Variants in REV1 observed in about 807,000 individuals in gnomAD.
REV1 encodes REV1 DNA directed polymerase.
Under a neutral mutation model 137.4 loss-of-function variants are expected in REV1, and 42 were observed. The observed-to-expected ratio is 0.31, with a 90% CI of 0.24 to 0.40. REV1 has a LOEUF of 0.40. Among genes scored for constraint, REV1 ranks in the 10% least tolerant of loss-of-function variants. The probability of loss-of-function intolerance (pLI) is 1.00; values close to 1 mark genes in which losing one functional copy is unlikely to be tolerated. For missense variants in REV1, 1,282 were observed against 1,490.1 expected, an observed-to-expected ratio of 0.86 and a Z score of 2.30; for synonymous variants, 524 against 519.2, an observed-to-expected ratio of 1.01 and a Z score of -0.12.
At position 99,438,553 on chromosome 2, in the gene REV1, G is replaced by T; in HGVS notation, c.1213+48C>A. The T allele has an allele frequency of 3.5e-6, 5 of 1,411,886 alleles. No individual in the cohort carries two copies. The South Asian group carries it at 4.8e-5, about 14-fold the overall frequency. The allele number at this position is 1,411,886 out of a possible 1,614,324, so 87.5% of individuals were successfully genotyped here. Reference sequence around the variant, plus strand: ...ACCAATAATAGCATAAGAGCAAAATGATCAAGCATGACTGTTTCTTAAGAA... The same window carrying T: ...ACCAATAATAGCATAAGAGCAAAATTATCAAGCATGACTGTTTCTTAAGAA... On this transcript the variant is annotated intron_variant, in intron 6 of 22. Transcript: ENST00000258428.
At chr2:99,474,936 A>C (rs1685808148) in intron 1 of REV1, among the ~76,000 whole-genome samples, 1 of 152,160 alleles carries the variant, frequency 6.6e-6, no homozygotes, top group Non-Finnish European at 1.5e-5. Flanking sequence ...AGAGATTCAA[A>C]GACAGCATCA....
At chr2:99,470,281 C>A (rs1174861876) in intron 1 of REV1, among the ~76,000 whole-genome samples, 1 of 152,142 alleles carries the variant, frequency 6.6e-6, no homozygotes, top group Non-Finnish European at 1.5e-5. Context: ...ACTCTAAAGT[C>A]TGTTGATTAA....
chr2:99,439,562 C>T (rs932569482), intron 5 of REV1, among the ~76,000 whole-genome samples: 4 of 151,878 alleles, frequency 2.6e-5, no homozygotes, highest in Non-Finnish European at 4.4e-5. Flanking sequence ...AGAATATTAA[C>T]AGCCCTTTAG....
intron 3 of REV1, among the ~76,000 whole-genome samples, chr2:99,459,133 G>A (rs1257695944): frequency 7.2e-5 from 11 of 151,824 alleles, no homozygotes; most frequent in Non-Finnish European, 1.5e-4. Context: ...GTGTGAACCC[G>A]GGAGGCAGAG....
chr2:99,443,854 T>A lies in REV1; in HGVS notation c.351-1385A>T, dbSNP rs1681822562. Among the ~76,000 whole-genome samples, 4 of 152,190 alleles carry A rather than the reference T, an allele frequency of 2.6e-5. No homozygotes were observed. The South Asian group carries it at 6.2e-4, about 24-fold the overall frequency. On this transcript the variant is annotated intron_variant, in intron 4 of 22. Coordinates refer to ENST00000258428, the MANE Select transcript of REV1 (RefSeq NM_016316.4). ...CTCAAACCAACTTTTCTTCCTTTTT[T>A]TTTTTTGAGACGGAGTCTCGCTCTG...
At chr2:99,457,835 AG>A (rs1162723130) in intron 3 of REV1, among the ~76,000 whole-genome samples, 3 of 152,220 alleles carry the variant, frequency 2.0e-5, no homozygotes, top group East Asian at 3.8e-4. Flanking sequence ...GTACTGGTGA[AG>A]GAACAGACAC....
chr2:99,413,713 T>C (rs1677488021), intron 12 of REV1, among the ~76,000 whole-genome samples: 1 of 152,200 alleles, frequency 6.6e-6, no homozygotes, highest in South Asian at 2.1e-4. Context: ...TTTTCTTCAA[T>C]TTGCCCTAAA....
intron 3 of REV1, among the ~76,000 whole-genome samples, chr2:99,453,723 T>C (rs1399938853): frequency 6.6e-6 from 1 of 151,384 alleles, no homozygotes; most frequent in Non-Finnish European, 1.5e-5. Context: ...TGAAACCCCG[T>C]CCCTACTAAA....
At position 99,477,714 on chromosome 2, in the gene REV1, G is replaced by C. The variant is rs1686141917; in HGVS notation, c.-11+12103C>G. 2.0e-5 allele frequency among the ~76,000 whole-genome samples: 3 copies of C among 152,294 alleles called. No homozygotes were observed. In the South Asian group the frequency reaches 6.2e-4, roughly 32 times the overall value. ...CATTTGTATGTCCCAGTTTGAGGCT[G>C]ATCTGATTAAAAGGAAAGCGTCTAT... On this transcript the variant is annotated intron_variant, in intron 1 of 22. Coordinates refer to ENST00000258428, the MANE Select transcript of REV1 (RefSeq NM_016316.4).
intron 3 of REV1, among the ~76,000 whole-genome samples, chr2:99,452,987 A>G (rs1182833054): frequency 2.0e-5 from 3 of 152,198 alleles, no homozygotes; most frequent in African/African-American, 7.2e-5. Context: ...AACTGGGGAT[A>G]ATAATAGTGT....
At chr2:99,429,039 C>T (rs376240595) in intron 9 of REV1, among the ~76,000 whole-genome samples, 3 of 149,624 alleles carry the variant, frequency 2.0e-5, no homozygotes, top group South Asian at 4.2e-4. Flanking sequence ...GACTCTGTTT[C>T]GATTTGAAAT....
chr2:99,407,080 C>CTTTTTTGTTTTTTTTTTTTTTTTTTT (rs1676415894), intron 15 of REV1, among the ~76,000 whole-genome samples: 1 of 60,026 alleles, frequency 1.7e-5, no homozygotes, highest in Non-Finnish European at 2.9e-5. Flanking sequence ...TACAAAGGTT[C>CTTTTTTGTTTTTTTTTTTTTTTTTTT]TTTTTTTTTT....
chr2:99,473,888 A>G (rs569044756), intron 1 of REV1, among the ~76,000 whole-genome samples: 2 of 152,156 alleles, frequency 1.3e-5, no homozygotes, highest in Non-Finnish European at 2.9e-5. Flanking sequence ...TTCCTTCATC[A>G]CTGACTTGTG....
chr2:99,447,243 G>C (rs1223221637), intron 4 of REV1, among the ~76,000 whole-genome samples: 2 of 150,572 alleles, frequency 1.3e-5, no homozygotes, highest in Non-Finnish European at 3.0e-5. Context: ...TGTAACCTTT[G>C]TCTACTGCAA....
At chr2:99,472,304 CA>C (rs755120066) in intron 1 of REV1, among the ~76,000 whole-genome samples, 8 of 152,104 alleles carry the variant, frequency 5.3e-5, no homozygotes, top group East Asian at 1.9e-4. Context: ...AAACCATTCA[CA>C]AAAAGACAAA....
At position 99,482,463 on chromosome 2, in the gene REV1, C is replaced by T. The variant is rs145123419; in HGVS notation, c.-11+7354G>A. Among the ~76,000 whole-genome samples the T allele has an allele frequency of 3.6e-4, 55 of 152,278 alleles. No homozygotes were observed. In the East Asian group the frequency reaches 7.5e-3, roughly 21 times the overall value. On this transcript the variant is annotated intron_variant, in intron 1 of 22. Transcript: ENST00000258428. Reference sequence around the variant, plus strand: ...AGCCAGTTGGTCAGAGTGTGGATAACCTGCAAGTCCTGGAGTTTGTAGCTA... The same window carrying T: ...AGCCAGTTGGTCAGAGTGTGGATAATCTGCAAGTCCTGGAGTTTGTAGCTA...
chr2:99,414,918 A>G (rs10177775), intron 12 of REV1, among the ~76,000 whole-genome samples: 4 of 152,356 alleles, frequency 2.6e-5, no homozygotes, highest in East Asian at 1.9e-4. Flanking sequence ...ACCACAACAA[A>G]TTATGCACTA....
At chr2:99,430,844 AAG>A (rs1559334772) in intron 8 of REV1, among the ~76,000 whole-genome samples, 1 of 152,208 alleles carries the variant, frequency 6.6e-6, no homozygotes, top group African/African-American at 2.4e-5. Context: ...AGGTTCCAGG[AAG>A]AGTATGCTGT....
At chr2:99,456,979 T>C (rs775500793) in intron 3 of REV1, among the ~76,000 whole-genome samples, 1 of 152,218 alleles carries the variant, frequency 6.6e-6, no homozygotes, top group Non-Finnish European at 1.5e-5. Flanking sequence ...AGGACTAGAA[T>C]GTCTTTCTCC....
Sources: gnomAD v4.1 joint callset for allele counts (sites outside exome capture counted in the v4.1 genomes callset) on GRCh38, gnomAD v4.1.1 for gene constraint, MANE v1.5 for transcripts, NCBI Gene and HGNC (gene_info 2026-07-23, HGNC 2026-07-21) for gene names.